MED12L: variants seen among roughly 807,000 people sequenced by gnomAD.
MED12L encodes the protein mediator of RNA polymerase II transcription subunit 12-like protein.
Under a neutral mutation model 281.3 loss-of-function variants are expected in MED12L, and 60 were observed. The ratio of observed to expected loss-of-function variants is 0.21; its 90% CI spans 0.17 to 0.26. The LOEUF is 0.26. Among genes scored for constraint, MED12L ranks in the 10% least tolerant of loss-of-function variants. The probability of loss-of-function intolerance (pLI) is 1.00; values close to 1 mark genes in which losing one functional copy is unlikely to be tolerated. For synonymous variants in MED12L, 974 were observed against 987.2 expected (o/e 0.99, Z 0.25); for missense variants, 2,146 against 2,680.9 (o/e 0.80, Z 4.41).
Position 151,380,233 on chromosome 3 carries a change from T to C in MED12L, c.4590+9T>C, listed in dbSNP as rs999065320. 6.6e-7 allele frequency: 1 copy of C among 1,506,470 alleles called. No homozygotes were observed. 93.3% of individuals were successfully genotyped at this position (1,506,470 alleles called of 1,614,324 possible). A position where few individuals can be genotyped will look rare whatever the true frequency, so the allele number is the denominator to read the frequency against. ...AGAATCAAGTTAACCAGGTAAAGTA[T>C]AGTATAATATTAAGACAGGCAAATA... On this transcript the variant is annotated intron_variant, in intron 32 of 44. Coordinates refer to ENST00000687756, the MANE Select transcript of MED12L (RefSeq NM_001393769.1).
chr3:151,390,034 C>T lies in MED12L; in HGVS notation c.5507C>T (p.Ser1836Phe), dbSNP rs751735393. The T allele has an allele frequency of 1.2e-5, 20 of 1,614,014 alleles. No individual in the cohort carries two copies. Among genetic ancestry groups the T allele is most frequent in the Admixed American group, 1.7e-5 (1 of 60,006 alleles). ...CCTCCTAATTACTCGCCTATCTCCT[C>T]CCAAATGATGCACCATCCACAGTCC... ...RVPPNYSPIS[S>F]QMMHHPQSTL... The change falls in exon 38 of 45, where the codon TCC (serine) becomes TTC (phenylalanine). Residue 1836 changes from serine (S) to phenylalanine (F), a missense_variant. Physicochemically the swap from Ser to Phe is radical, Grantham distance 155. Transcript: ENST00000687756.
At chr3:151,279,837 C>T (rs1742529548) in intron 16 of MED12L, among the ~76,000 whole-genome samples, 1 of 152,214 alleles carries the variant, frequency 6.6e-6, no homozygotes, top group African/African-American at 2.4e-5. Flanking sequence ...CTCAAGACTT[C>T]CCTGATTTAT....
chr3:151,372,614 G>T lies in MED12L; in HGVS notation c.3712G>T (p.Asp1238Tyr). The T allele has an allele frequency of 1.9e-6, 3 of 1,613,830 alleles. No individual in the cohort carries two copies. The highest frequency in any genetic ancestry group is 1.1e-5 in the South Asian group (1 of 91,030). ...NNSVSSLKNDDFTMRGLRCDG... is the reference protein window; with the variant it reads ...NNSVSSLKNDYFTMRGLRCDG... Reference sequence around the variant, plus strand: ...CAGTGTCAGCTCTTTAAAGAATGATGACTTCACCATGAGAGGTTTGCGATG... The same window carrying T: ...CAGTGTCAGCTCTTTAAAGAATGATTACTTCACCATGAGAGGTTTGCGATG... Residue 1238 changes from aspartate (D) to tyrosine (Y), a missense_variant, in exon 27 of 45, where the codon GAC becomes TAC. Physicochemically the swap from Asp to Tyr is radical, Grantham distance 160. Coordinates refer to ENST00000687756, the MANE Select transcript of MED12L (RefSeq NM_001393769.1).
rs1220362189 is a variant in MED12L, at chr3:151,394,723, GC to G, written c.5677del (p.Leu1893TyrfsTer8). 6.2e-7 allele frequency: 1 copy of G among 1,614,162 alleles called. No homozygotes were observed. Among genetic ancestry groups the G allele is most frequent in the African/African-American group, 1.3e-5 (1 of 74,956 alleles). Reference protein sequence around the residue: ...TNTKQALSNMLQRRSGAMMQP... With the variant: ...TNTKQALSNMXQRRSGAMMQP... ...ACACCAAACAAGCTCTGTCAAACATGCTACAGCGGCGCTCAGGCGCCATGAT... is the reference window on the plus strand; with the variant it reads ...ACACCAAACAAGCTCTGTCAAACATGTACAGCGGCGCTCAGGCGCCATGAT... On this transcript the variant is annotated frameshift_variant, in exon 39 of 45. Coordinates refer to ENST00000687756, the MANE Select transcript of MED12L (RefSeq NM_001393769.1). LOFTEE classifies it high-confidence loss of function.
intron 43 of MED12L, among the ~76,000 whole-genome samples, chr3:151,422,447 C>G (rs901550006): frequency 2.6e-5 from 4 of 152,118 alleles, no homozygotes; most frequent in Admixed American, 2.6e-4. Flanking sequence ...TCTTTGGCAT[C>G]GCTCGGCCCG....
intron 16 of MED12L, among the ~76,000 whole-genome samples, chr3:151,298,784 C>A (rs1745465288): frequency 6.6e-6 from 1 of 152,054 alleles, no homozygotes; most frequent in South Asian, 2.1e-4. Flanking sequence ...ATAGCACAAA[C>A]CACATGTGGC....
chr3:151,245,044 A>G (rs969315156), intron 16 of MED12L, among the ~76,000 whole-genome samples: 25 of 152,202 alleles, frequency 1.6e-4, no homozygotes, highest in African/African-American at 5.1e-4. Context: ...TCCTTGACAC[A>G]TACACTCTCC....
At chr3:151,185,308 A>T in intron 11 of MED12L, 22 bp from the exon 12 acceptor site, 1 of 1,610,328 alleles carries the variant, frequency 6.2e-7, no homozygotes, top group Admixed American at 1.7e-5. Context: ...TGTGGCTGGT[A>T]CCCCTCTCTG....
At chr3:151,172,311 A>G (rs1721536222) in intron 11 of MED12L, among the ~76,000 whole-genome samples, 1 of 152,172 alleles carries the variant, frequency 6.6e-6, no homozygotes, top group African/African-American at 2.4e-5. Context: ...TGATTGATAA[A>G]CCATTCAAAT....
At position 151,436,476 on chromosome 3, in the gene MED12L, C is replaced by A; in HGVS notation, c.*3672C>A. 1 of 423,526 alleles carries A rather than the reference C, an allele frequency of 2.4e-6. No individual in the cohort carries two copies. Among genetic ancestry groups the A allele is most frequent in the South Asian group, 4.9e-5 (1 of 20,236 alleles). The allele number at this position is 423,526 out of a possible 1,614,324, so 26.2% of individuals were successfully genotyped here. A position where few individuals can be genotyped will look rare whatever the true frequency, so the allele number is the denominator to read the frequency against. On this transcript the variant is annotated 3_prime_UTR_variant, in exon 45 of 45. Coordinates refer to ENST00000687756, the MANE Select transcript of MED12L (RefSeq NM_001393769.1). ...TTATTTGTTGGCAAAATAAAAGTGC[C>A]TTAAGTTAAAAGTTTGTTTTGAGAT...
At position 151,370,201 on chromosome 3, in the gene MED12L, A is replaced by G. The variant is rs377008206; in HGVS notation, c.3664+652A>G. On this transcript the variant is annotated intron_variant, in intron 26 of 44. Transcript: ENST00000687756. Reference sequence around the variant, plus strand: ...CTTTTCTCTTCATTTACAGGGTAATACATTAAAACATTATTCTGTAAATCT... The same window carrying G: ...CTTTTCTCTTCATTTACAGGGTAATGCATTAAAACATTATTCTGTAAATCT... 2.6e-5 allele frequency among the ~76,000 whole-genome samples: 4 copies of G among 152,314 alleles called. No individual in the cohort carries two copies. The South Asian group carries it at 8.3e-4, about 32-fold the overall frequency.
intron 16 of MED12L, among the ~76,000 whole-genome samples, chr3:151,244,167 G>A (rs1211295896): frequency 5.3e-5 from 7 of 132,530 alleles, no homozygotes; most frequent in Admixed American, 2.4e-4. Flanking sequence ...CATTAATAAT[G>A]GGAGACTTTA....
At position 151,414,993 on chromosome 3, in the gene MED12L, C is replaced by G. The variant is rs538831945; in HGVS notation, c.6298-1319C>G. 2.6e-5 allele frequency among the ~76,000 whole-genome samples: 4 copies of G among 152,052 alleles called. No homozygotes were observed. The East Asian group carries it at 7.7e-4, about 29-fold the overall frequency. ...ACTCACTTTCTTAAATCATTTTTTC[C>G]AAGTTCTGAGGCTATGTTTCAGAAT... is the stretch of plus-strand genomic sequence containing the variant. On this transcript the variant is annotated intron_variant, in intron 42 of 44. Transcript: ENST00000687756.
chr3:151,355,933 C>A lies in MED12L; in HGVS notation c.2555C>A (p.Ala852Glu). The change falls in exon 19 of 45, where the codon GCG becomes GAG. Residue 852 changes from alanine (A) to glutamate (E), a missense_variant. This residue lies in a region of MED12L where 404 missense variants were observed against 603.5 expected (regional missense o/e 0.67). Transcript: ENST00000687756. The part of the protein sequence containing the change: ...NNVLEQITSF[A>E]SGTSYHLPLA... The stretch of plus-strand genomic sequence containing the variant: ...GTGCTAGAACAAATCACAAGCTTTG[C>A]GTCAGGAACATCCTATCATCTCCCT... 6.2e-7 allele frequency: 1 copy of A among 1,613,928 alleles called. No homozygotes were observed. The highest frequency in any genetic ancestry group is 1.1e-5 in the South Asian group (1 of 91,058).
At chr3:151,292,475 C>T (rs1055721147) in intron 16 of MED12L, among the ~76,000 whole-genome samples, 7 of 150,964 alleles carry the variant, frequency 4.6e-5, no homozygotes, top group African/African-American at 1.2e-4. Context: ...TTAGTAGAGA[C>T]GGGGGGTTTC....
rs529299858 is a variant in MED12L, at chr3:151,433,096, T to G, written c.*292T>G. ...GCAGACCTTTTGAAATTGGTGCTTTTTTTGAATCTCACATTTCTAGAAAGA... is the reference window on the plus strand; with the variant it reads ...GCAGACCTTTTGAAATTGGTGCTTTGTTTGAATCTCACATTTCTAGAAAGA... On this transcript the variant is annotated 3_prime_UTR_variant, in exon 45 of 45. Coordinates refer to ENST00000687756, the MANE Select transcript of MED12L (RefSeq NM_001393769.1). The G allele has an allele frequency of 1.4e-5, 4 of 294,874 alleles. No individual in the cohort carries two copies. In the East Asian group the frequency reaches 2.7e-4, roughly 20 times the overall value. 18.3% of individuals were successfully genotyped at this position (294,874 alleles called of 1,614,324 possible). A position where few individuals can be genotyped will look rare whatever the true frequency, so the allele number is the denominator to read the frequency against.
chr3:151,322,921 GC>G (rs145750094), intron 16 of MED12L, among the ~76,000 whole-genome samples: 1,992 of 152,058 alleles, frequency 0.013, 42 homozygotes, highest in African/African-American at 0.045. Flanking sequence ...TATTTTTGGA[GC>G]CTGGGTCCAT....
intron 5 of MED12L, among the ~76,000 whole-genome samples, chr3:151,140,680 A>G (rs1362930307): frequency 7.6e-6 from 1 of 132,402 alleles, no homozygotes; most frequent in Non-Finnish European, 1.5e-5. Context: ...GAATTTATTT[A>G]TTTATTATTT....
chr3:151,426,773 T>C (rs1365286759), intron 43 of MED12L, among the ~76,000 whole-genome samples: 1 of 151,956 alleles, frequency 6.6e-6, no homozygotes, highest in Non-Finnish European at 1.5e-5. Flanking sequence ...TTATGAAAAA[T>C]AGGCATATAT....
Sources: gnomAD v4.1 joint callset for allele counts (sites outside exome capture counted in the v4.1 genomes callset) on GRCh38, gnomAD v4.1.1 for gene constraint, gnomAD v4.1.1 regional missense constraint, MANE v1.5 for transcripts, NCBI Gene and HGNC (gene_info 2026-07-23, HGNC 2026-07-21) for gene names.